Variants in IGF2BP1 observed in about 807,000 individuals in gnomAD.
The protein encoded by IGF2BP1 is insulin-like growth factor 2 mRNA-binding protein 1.
A neutral mutation model predicts 74.9 loss-of-function variants in IGF2BP1; 11 were observed. That is an observed-to-expected ratio of 0.15 (90% CI 0.09 to 0.24). The LOEUF (loss-of-function observed/expected upper bound fraction) is 0.24. Ranked by LOEUF, IGF2BP1 falls within the 10% of genes least tolerant of loss-of-function variation. The pLI, the probability that IGF2BP1 is intolerant of heterozygous loss-of-function variation, is 1.00. For missense variants in IGF2BP1, 440 were observed against 757.4 expected (o/e 0.58, Z 4.92); for synonymous variants, 287 against 281.8 (o/e 1.02, Z -0.18).
rs1256823217 is a variant in IGF2BP1, at chr17:49,055,916, G to A, written c.*6472G>A. ...GCAACTTTGAAAATTGTATTTTACT[G>A]GAAATCTGCCAGCCATCACCACCCG... On this transcript the variant is annotated 3_prime_UTR_variant, in exon 15 of 15. Transcript: ENST00000290341. 2.0e-5 allele frequency among the ~76,000 whole-genome samples: 3 copies of A among 146,464 alleles called. No homozygotes were observed. Among genetic ancestry groups the A allele is most frequent in the Admixed American group, 7.1e-5 (1 of 14,182 alleles).
chr17:49,019,262 C>G (rs1479207939), intron 2 of IGF2BP1, among the ~76,000 whole-genome samples: 1 of 152,134 alleles, frequency 6.6e-6, no homozygotes, highest in Admixed American at 6.5e-5. Flanking sequence ...CTTTCTGAGA[C>G]CATCTCATCT....
chr17:49,026,544 C>T (rs780247199), intron 4 of IGF2BP1, 27 bp downstream of exon 4: 1 of 1,605,102 alleles, frequency 6.2e-7, no homozygotes, highest in Non-Finnish European at 8.5e-7. Context: ...TGTGGGGTGG[C>T]ACTCGTGGTG....
chr17:49,044,568 T>TA (rs746141408), intron 11 of IGF2BP1, among the ~76,000 whole-genome samples: 5 of 152,222 alleles, frequency 3.3e-5, no homozygotes, highest in African/African-American at 9.6e-5. Flanking sequence ...AGGATGCTGT[T>TA]AGAGTTTCAC....
intron 1 of IGF2BP1, among the ~76,000 whole-genome samples, chr17:48,998,514 G>GCGGCGGCGC (rs1220415336): frequency 6.6e-6 from 1 of 152,036 alleles, no homozygotes; most frequent in Non-Finnish European, 1.5e-5. Flanking sequence ...TGGCGCGGCG[G>GCGGCGGCGC]CGGCGGCGCC....
intron 4 of IGF2BP1, among the ~76,000 whole-genome samples, chr17:49,029,731 TCTC>T (rs1216985383): frequency 6.6e-6 from 1 of 151,964 alleles, no homozygotes; most frequent in African/African-American, 2.4e-5. Flanking sequence ...ATCAAGTGAT[TCTC>T]CTGCTGCCTC....
intron 2 of IGF2BP1, among the ~76,000 whole-genome samples, chr17:49,006,619 C>A (rs1379637653): frequency 2.0e-5 from 3 of 152,184 alleles, no homozygotes; most frequent in Admixed American, 6.5e-5. Context: ...TAGAACTGAT[C>A]AAGTGTACAG....
At chr17:49,017,339 A>C (rs982750767) in intron 2 of IGF2BP1, among the ~76,000 whole-genome samples, 1 of 152,202 alleles carries the variant, frequency 6.6e-6, no homozygotes, top group Non-Finnish European at 1.5e-5. Flanking sequence ...CTGTCAAAGC[A>C]GGGACCATGC....
At chr17:49,037,648 A>G (rs960150264) in intron 5 of IGF2BP1, among the ~76,000 whole-genome samples, 2 of 152,240 alleles carry the variant, frequency 1.3e-5, no homozygotes, top group Admixed American at 1.3e-4. Context: ...CTACATGTAT[A>G]CATTTCAATC....
intron 2 of IGF2BP1, among the ~76,000 whole-genome samples, chr17:49,016,815 C>T (rs1484876665): frequency 1.5e-5 from 2 of 137,122 alleles, no homozygotes; most frequent in Non-Finnish European, 3.2e-5. Flanking sequence ...CCCTGTCCTC[C>T]TGCCCCCCCG....
At chr17:49,044,953 A>T (rs780999585) in intron 11 of IGF2BP1, 38 bp from the exon 12 acceptor site, 2 of 1,572,432 alleles carry the variant, frequency 1.3e-6, no homozygotes, top group East Asian at 2.2e-5. Context: ...GGGTCTTCCC[A>T]TAGAGGGTCC....
At chr17:49,014,820 T>C (rs2041673620) in intron 2 of IGF2BP1, 5 of 985,234 alleles carry the variant, frequency 5.1e-6, no homozygotes, top group Non-Finnish European at 6.0e-6. Context: ...GTCTGCCGGG[T>C]CCTTCTCATG....
At chr17:49,000,083 G>A (rs1464687052) in intron 2 of IGF2BP1, among the ~76,000 whole-genome samples, 1 of 151,860 alleles carries the variant, frequency 6.6e-6, no homozygotes, top group East Asian at 1.9e-4. Context: ...ACCTTTCCTT[G>A]AACTCTGGCT....
chr17:49,046,060 G>T (rs1433768673), intron 13 of IGF2BP1, 39 bp downstream of exon 13: 2 of 1,608,608 alleles, frequency 1.2e-6, no homozygotes, highest in Non-Finnish European at 1.7e-6. Context: ...CTGGGCCTTG[G>T]TCTCCAATCT....
At position 48,997,751 on chromosome 17, in the gene IGF2BP1, C is replaced by T. The variant is rs745494346; in HGVS notation, c.6C>T (p.Asn2=). The part of the protein sequence containing the change: M[N]KLYIGNLNES... ...CCTGCCCCGAGACCGCCACCATGAA[C>T]AAGCTTTACATCGGCAACCTCAACG... The change falls in exon 1 of 15, where the codon AAC becomes AAT. Residue 2 remains asparagine (N), a synonymous_variant. Coordinates refer to ENST00000290341, the MANE Select transcript of IGF2BP1 (RefSeq NM_006546.4). The surrounding 1 kb of genome is among the most constrained non-coding windows in gnomAD (Gnocchi z 4.8). 6.2e-7 allele frequency: 1 copy of T among 1,613,550 alleles called. No individual in the cohort carries two copies. The highest frequency in any genetic ancestry group is 1.1e-5 in the South Asian group (1 of 90,974).
At chr17:49,011,904 A>T (rs368875681) in intron 2 of IGF2BP1, among the ~76,000 whole-genome samples, 8 of 124,626 alleles carry the variant, frequency 6.4e-5, no homozygotes, top group Admixed American at 8.7e-5. Context: ...AAGAAAATTG[A>T]TTTTTTTTTT....
intron 2 of IGF2BP1, among the ~76,000 whole-genome samples, chr17:49,011,605 C>T (rs190477491): frequency 1.3e-5 from 2 of 151,836 alleles, no homozygotes; most frequent in Admixed American, 6.6e-5. Flanking sequence ...AGGAAGGTTG[C>T]GTGAGCTCAC....
chr17:49,017,272 CCCAAACCAAACCAGA>C (rs1227652717), intron 2 of IGF2BP1, among the ~76,000 whole-genome samples: 1 of 152,126 alleles, frequency 6.6e-6, no homozygotes, highest in Admixed American at 6.5e-5. Context: ...GTCCTCTTAT[CCCAAACCAAACCAGA>C]CCAAATCAAA....
At chr17:49,039,343 T>A (rs1028515053) in intron 6 of IGF2BP1, among the ~76,000 whole-genome samples, 1 of 152,198 alleles carries the variant, frequency 6.6e-6, no homozygotes, top group Non-Finnish European at 1.5e-5. Flanking sequence ...AATGCAGCTT[T>A]GGAGCTGTGG....
Position 48,997,694 on chromosome 17 carries a change from G to T in IGF2BP1, c.-52G>T. 1 of 1,579,384 alleles carries T rather than the reference G, an allele frequency of 6.3e-7. No homozygotes were observed. Among genetic ancestry groups the T allele is most frequent in the Non-Finnish European group, 8.6e-7 (1 of 1,160,794 alleles). The stretch of plus-strand genomic sequence containing the variant: ...TTGGCCTAGGAGGCTCGCCGCCCGC[G>T]CCCGCTCGTTCGGCCTTGCCCGGGA... On this transcript the variant is annotated 5_prime_UTR_variant, in exon 1 of 15. Coordinates refer to ENST00000290341, the MANE Select transcript of IGF2BP1 (RefSeq NM_006546.4). The surrounding 1 kb of genome is among the most constrained non-coding windows in gnomAD (Gnocchi z 4.8).
Sources: gnomAD v4.1 joint callset for allele counts (sites outside exome capture counted in the v4.1 genomes callset) on GRCh38, gnomAD v4.1.1 for gene constraint, Gnocchi (gnomAD v3.1) non-coding constraint, MANE v1.5 for transcripts, NCBI Gene and HGNC (gene_info 2026-07-23, HGNC 2026-07-21) for gene names.